The following MACF1 variants were observed in gnomAD, a reference collection of about 807,000 sequenced individuals.
MACF1 encodes microtubule actin crosslinking factor 1, also known as microtubule-actin cross-linking factor 1.
In MACF1, 193 loss-of-function variants were observed where a neutral mutation model predicts 854.8. The observed-to-expected ratio is 0.23, with a 90% confidence interval of 0.20 to 0.25. The LOEUF (loss-of-function observed/expected upper bound fraction) is 0.25, where lower values mean the gene tolerates loss of function less well. Ranked by LOEUF, MACF1 falls within the 10% of genes least tolerant of loss-of-function variation. MACF1 has a pLI of 1.00. For missense variants in MACF1, 7,722 were observed against 8,929.1 expected, an observed-to-expected ratio of 0.86 and a Z score of 5.45; for synonymous variants, 3,185 against 3,226.7, an observed-to-expected ratio of 0.99 and a Z score of 0.44.
chr1:39,390,939 C>T (rs760769076), intron 58 of MACF1, among the ~76,000 whole-genome samples: 1 of 151,860 alleles, frequency 6.6e-6, no homozygotes, highest in African/African-American at 2.4e-5. Context: ...AACCCTGTCT[C>T]TACTAAAAAA....
chr1:39,432,918 T>A, intron 67 of MACF1, 130 bp from the exon 68 acceptor site: 1 of 629,804 alleles, frequency 1.6e-6, no homozygotes, highest in Non-Finnish European at 2.7e-6. Flanking sequence ...AGAGAAGATG[T>A]TGGATAGGCA....
intron 70 of MACF1, among the ~76,000 whole-genome samples, chr1:39,436,903 G>A (rs2148659030): frequency 6.6e-6 from 1 of 152,250 alleles, no homozygotes; most frequent in East Asian, 1.9e-4. Context: ...GTTAGATTTG[G>A]TCTTCCTTAA....
intron 1 of MACF1, among the ~76,000 whole-genome samples, chr1:39,217,887 A>AT (rs1192392741): frequency 6.6e-6 from 1 of 151,084 alleles, no homozygotes; most frequent in East Asian, 1.9e-4. Flanking sequence ...TGTCTCAAAA[A>AT]AAAAAAAAAA....
At chr1:39,136,875 G>C (rs570242939) in intron 2 of MACF1, among the ~76,000 whole-genome samples, 1 of 152,092 alleles carries the variant, frequency 6.6e-6, no homozygotes, top group Non-Finnish European at 1.5e-5. Flanking sequence ...AAAGACAAGC[G>C]TGAGAGTGTT....
intron 2 of MACF1, among the ~76,000 whole-genome samples, chr1:39,194,351 C>CTT (rs749853544): frequency 7.0e-4 from 25 of 35,526 alleles, no homozygotes; most frequent in African/African-American, 2.1e-3. Context: ...CTTTTCTTTT[C>CTT]TTTTTTTTTT....
At chr1:39,171,737 T>G (rs1643952222) in intron 2 of MACF1, among the ~76,000 whole-genome samples, 1 of 152,208 alleles carries the variant, frequency 6.6e-6, no homozygotes, top group Non-Finnish European at 1.5e-5. Flanking sequence ...GCCATTCTCC[T>G]GCCTCAGCTT....
Position 39,336,672 on chromosome 1 carries a change from T to G in MACF1, c.10065+19T>G. 1 of 1,551,140 alleles carries G rather than the reference T, an allele frequency of 6.4e-7. No individual in the cohort carries two copies. The highest frequency in any genetic ancestry group is 8.6e-7 in the Non-Finnish European group (1 of 1,157,912). On this transcript the variant is annotated intron_variant, in intron 37 of 100. Transcript: ENST00000564288. ...AACTCAGGTCAGTGGTGTGCTTTTT[T>G]TTTTTTCTTCCTAAAGATACAATTA...
chr1:39,456,043 A>G (rs1343370408), intron 89 of MACF1, among the ~76,000 whole-genome samples: 4 of 152,210 alleles, frequency 2.6e-5, no homozygotes, highest in African/African-American at 9.6e-5. Flanking sequence ...TAGAAACTAT[A>G]CAATTAGAGG....
intron 2 of MACF1, among the ~76,000 whole-genome samples, chr1:39,234,746 A>T (rs1178150583): frequency 4.7e-5 from 6 of 128,802 alleles, no homozygotes; most frequent in Non-Finnish European, 8.4e-5. Flanking sequence ...CTCACTTCTC[A>T]GACGGGGCGG....
intron 23 of MACF1, among the ~76,000 whole-genome samples, chr1:39,307,901 C>CTTTTTTTTTTTTCTTTTT (rs1646218849): frequency 2.0e-5 from 1 of 50,392 alleles, no homozygotes; most frequent in Non-Finnish European, 3.6e-5. Context: ...TTCTTTCTTT[C>CTTTTTTTTTTTTCTTTTT]TTTTTTTTTT....
chr1:39,420,946 A>G (rs1009755291), intron 58 of MACF1, among the ~76,000 whole-genome samples: 1 of 150,714 alleles, frequency 6.6e-6, no homozygotes, highest in African/African-American at 2.5e-5. Flanking sequence ...GCTCACTGCA[A>G]GCTCTACCTC....
intron 6 of MACF1, among the ~76,000 whole-genome samples, chr1:39,267,057 A>C (rs1645241975): frequency 6.6e-6 from 1 of 152,154 alleles, no homozygotes; most frequent in African/African-American, 2.4e-5. Flanking sequence ...CAGTGGGGGA[A>C]CTTCTTATTT....
At chr1:39,277,452 T>C (rs1645459680) in intron 6 of MACF1, among the ~76,000 whole-genome samples, 3 of 152,258 alleles carry the variant, frequency 2.0e-5, no homozygotes, top group Non-Finnish European at 4.4e-5. Flanking sequence ...TGTATATGTG[T>C]AAATAAATTT....
At chr1:39,204,100 C>A (rs1377725833), upstream of MACF1, 2 of 152,052 alleles carry the variant, frequency 1.3e-5, no homozygotes, top group Non-Finnish European at 2.9e-5. Flanking sequence ...ATGGTGAAAC[C>A]CCATCTCTAC....
chr1:39,341,020 A>G (rs1013886865), intron 40 of MACF1, 67 bp downstream of exon 40: 8 of 1,359,654 alleles, frequency 5.9e-6, no homozygotes, highest in African/African-American at 1.5e-5. Flanking sequence ...TAGGCAAACC[A>G]ATATCCATAT....
intron 69 of MACF1, among the ~76,000 whole-genome samples, chr1:39,435,249 G>A (rs1643948370): frequency 6.6e-6 from 1 of 152,200 alleles, no homozygotes; most frequent in Admixed American, 6.5e-5. Flanking sequence ...AAGTACTTAT[G>A]ATTACAGAAG....
At chr1:39,215,138 A>G (rs531178029) in intron 1 of MACF1, 1 of 152,432 alleles carries the variant, frequency 6.6e-6, no homozygotes, top group Non-Finnish European at 1.5e-5. Flanking sequence ...TGCCTGAGAC[A>G]TGGACCCAGT....
intron 86 of MACF1, 51 bp from the exon 87 acceptor site, chr1:39,452,633 A>G (rs763607608): frequency 5.6e-6 from 9 of 1,609,492 alleles, no homozygotes; most frequent in South Asian, 1.1e-5. Flanking sequence ...CCCAGTATCT[A>G]GGTCCTTGGC....
chr1:39,229,547 C>T (rs992448243), intron 1 of MACF1, among the ~76,000 whole-genome samples: 6 of 151,980 alleles, frequency 3.9e-5, no homozygotes, highest in Admixed American at 1.3e-4. Context: ...AACTTTCTTC[C>T]GAAATGTTCT....
Sources: gnomAD v4.1 joint callset for allele counts (sites outside exome capture counted in the v4.1 genomes callset) on GRCh38, gnomAD v4.1.1 for gene constraint, MANE v1.5 for transcripts, NCBI Gene and HGNC (gene_info 2026-07-23, HGNC 2026-07-21) for gene names.